Variants in TNFAIP8L3 observed in about 807,000 individuals in gnomAD.
TNFAIP8L3 encodes the protein TNF alpha induced protein 8 like 3.
A neutral mutation model predicts 11.8 loss-of-function variants in TNFAIP8L3; 7 were observed. The observed-to-expected ratio is 0.59, with a 90% confidence interval of 0.34 to 1.11. The LOEUF (loss-of-function observed/expected upper bound fraction) is 1.11, where lower values mean the gene tolerates loss of function less well. Ranked by LOEUF, TNFAIP8L3 falls within the 50% of genes most tolerant of loss-of-function variation. TNFAIP8L3 has a pLI of 0.03. For missense variants in TNFAIP8L3, 219 were observed against 258.6 expected (o/e 0.85, Z 1.05); for synonymous variants, 98 against 103.8 (o/e 0.94, Z 0.34).
chr15:51,095,923 C>G (rs748100537), upstream of TNFAIP8L3, among the ~76,000 whole-genome samples: 6 of 152,158 alleles, frequency 3.9e-5, no homozygotes, highest in Non-Finnish European at 7.3e-5. Flanking sequence ...TGAACATTTC[C>G]CTTTGTGTCC....
At chr15:51,095,033 C>T (rs909343223), upstream of TNFAIP8L3, among the ~76,000 whole-genome samples, 1 of 152,054 alleles carries the variant, frequency 6.6e-6, no homozygotes, top group African/African-American at 2.4e-5. Context: ...CAAGGCCGAG[C>T]CCCTTCCCTA....
chr15:51,067,214 G>T (rs1595607525), intron 1 of TNFAIP8L3, among the ~76,000 whole-genome samples: 1 of 152,206 alleles, frequency 6.6e-6, no homozygotes, highest in Non-Finnish European at 1.5e-5. Context: ...AGAAGGGTTA[G>T]GGAATGGATT....
intron 1 of TNFAIP8L3, among the ~76,000 whole-genome samples, chr15:51,092,692 C>T (rs181240576): frequency 5.9e-5 from 9 of 152,308 alleles, no homozygotes; most frequent in African/African-American, 2.2e-4. Context: ...CTGTCAGCTA[C>T]GCAGAGGCCT....
chr15:51,071,675 G>T (rs1356590681), intron 1 of TNFAIP8L3, among the ~76,000 whole-genome samples: 1 of 152,150 alleles, frequency 6.6e-6, no homozygotes, highest in Non-Finnish European at 1.5e-5. Flanking sequence ...CTCCTTGTGC[G>T]CACACACACA....
rs762686342 is a variant in TNFAIP8L3 at position 51,094,006 on chromosome 15, C to T, written c.52+538G>A. On this transcript the variant is annotated intron_variant, in intron 1 of 1. Transcript: ENST00000637513. This position sits in a 1 kb window ranked among gnomAD's most constrained non-coding sequence, Gnocchi z 4.4. ...TGGACCTTCTCCGCCGGCTGCGCGGCAGCGATGGACCCTGTGCATGGGCTC... is the reference window on the plus strand; with the variant it reads ...TGGACCTTCTCCGCCGGCTGCGCGGTAGCGATGGACCCTGTGCATGGGCTC... Among the ~76,000 whole-genome samples, 67 of 152,144 alleles carry T rather than the reference C, an allele frequency of 4.4e-4. No individual in the cohort carries two copies. Among genetic ancestry groups the T allele is most frequent in the Non-Finnish European group, 9.3e-4 (63 of 68,026 alleles).
chr15:51,057,791 A>G lies in TNFAIP8L3; in HGVS notation c.*90T>C. 15 of 1,131,262 alleles carry G rather than the reference A, an allele frequency of 1.3e-5. No individual in the cohort carries two copies. Among genetic ancestry groups the G allele is most frequent in the Non-Finnish European group, 1.8e-5 (14 of 793,380 alleles). The allele number at this position is 1,131,262 out of a possible 1,614,324, so 70.1% of individuals were successfully genotyped here. A position where few individuals can be genotyped will look rare whatever the true frequency, so the allele number is the denominator to read the frequency against. Reference sequence around the variant, plus strand: ...GGAAAGAACATGGACATCTTTGACAAGGGTTTCTGCTTATGTTCTTGATTC... The same window carrying G: ...GGAAAGAACATGGACATCTTTGACAGGGGTTTCTGCTTATGTTCTTGATTC... On this transcript the variant is annotated 3_prime_UTR_variant, in exon 2 of 2. Transcript: ENST00000637513.
At chr15:51,073,822 C>G (rs1170539662) in intron 1 of TNFAIP8L3, among the ~76,000 whole-genome samples, 1 of 152,166 alleles carries the variant, frequency 6.6e-6, no homozygotes, top group African/African-American at 2.4e-5. Flanking sequence ...TACCCCTTAT[C>G]AAGTTATCTT....
Position 51,058,210 on chromosome 15 carries a change from G to T in TNFAIP8L3, c.286C>A (p.Gln96Lys). 6.2e-7 allele frequency: 1 copy of T among 1,614,174 alleles called. No individual in the cohort carries two copies. ...IKIGILYRNN[Q>K]FSQEELVIVE... ...ATAACCAGCTCCTCTTGGCTAAACT[G>T]GTTGTTCCGGTAGAGGATCCCGATT... is the stretch of plus-strand genomic sequence containing the variant. Residue 96 changes from glutamine (Q) to lysine (K), a missense_variant, in exon 2 of 2, where the codon CAG becomes AAG. By Grantham distance (53) the Gln-to-Lys change is moderately conservative (BLOSUM62 1). Coordinates refer to ENST00000637513, the MANE Select transcript of TNFAIP8L3 (RefSeq NM_001311175.2).
chr15:51,089,056 T>C (rs1443372284), intron 1 of TNFAIP8L3, among the ~76,000 whole-genome samples: 1 of 152,238 alleles, frequency 6.6e-6, no homozygotes, highest in African/African-American at 2.4e-5. Flanking sequence ...TGGGTCTACA[T>C]GGTAGCTCAG....
At chr15:51,063,596 C>T (rs1456297436) in intron 1 of TNFAIP8L3, among the ~76,000 whole-genome samples, 1 of 152,158 alleles carries the variant, frequency 6.6e-6, no homozygotes, top group African/African-American at 2.4e-5. Flanking sequence ...AACCTTTTGT[C>T]CCTTTTAGAC....
chr15:51,095,715 A>G (rs969760875), upstream of TNFAIP8L3, among the ~76,000 whole-genome samples: 1 of 152,044 alleles, frequency 6.6e-6, no homozygotes, highest in African/African-American at 2.4e-5. Context: ...GGGGAAATGC[A>G]CGGAGCACCG....
In TNFAIP8L3 at chr15:51,057,319, G is replaced by T. The variant is rs1211826821; in HGVS notation, c.*562C>A. ...CATTTAGAGAGAGATTGCAAACCCA[G>T]TCCATTAGATTCTATTGTTCTTTTC... On this transcript the variant is annotated 3_prime_UTR_variant, in exon 2 of 2. Transcript: ENST00000637513. 6.6e-6 allele frequency: 1 copy of T among 152,280 alleles called. No homozygotes were observed. The highest frequency in any genetic ancestry group is 1.9e-4 in the East Asian group (1 of 5,196). 9.4% of individuals were successfully genotyped at this position (152,280 alleles called of 1,614,324 possible).
intron 1 of TNFAIP8L3, among the ~76,000 whole-genome samples, chr15:51,101,079 C>T (rs544390068): frequency 6.6e-6 from 1 of 152,318 alleles, no homozygotes; most frequent in Admixed American, 6.5e-5. Context: ...TTAATCTTGG[C>T]ACCTTTGACA....
At chr15:51,099,486 A>G (rs1181194132), upstream of TNFAIP8L3, among the ~76,000 whole-genome samples, 1 of 152,160 alleles carries the variant, frequency 6.6e-6, no homozygotes, top group African/African-American at 2.4e-5. Context: ...AGAAAACTCT[A>G]TGGGCCCAAC....
chr15:51,058,295 G>A lies in TNFAIP8L3; in HGVS notation c.201C>T (p.His67=). The A allele has an allele frequency of 1.2e-6, 2 of 1,614,070 alleles. No individual in the cohort carries two copies. Among genetic ancestry groups the A allele is most frequent in the Non-Finnish European group, 1.7e-6 (2 of 1,180,034 alleles). Residue 67 remains histidine, a synonymous_variant, in exon 2 of 2, where the codon CAC becomes CAT. Transcript: ENST00000637513. ...FDELYKVTKE[H]THNKKEAHKI... ...TGTGGGCTTCCTTCTTGTTGTGTGT[G>A]TGCTCTTTGGTGACTTTGTAGAGCT...
upstream of TNFAIP8L3, among the ~76,000 whole-genome samples, chr15:51,096,564 C>A (rs1459668016): frequency 6.6e-6 from 1 of 152,058 alleles, no homozygotes; most frequent in Non-Finnish European, 1.5e-5. Context: ...TTTAGAAAAA[C>A]AAAATATTTT....
At chr15:51,065,573 G>C (rs1446734761) in intron 1 of TNFAIP8L3, among the ~76,000 whole-genome samples, 1 of 152,196 alleles carries the variant, frequency 6.6e-6, no homozygotes, top group Non-Finnish European at 1.5e-5. Context: ...TAAAGTAAAT[G>C]ATGGTTATAA....
intron 1 of TNFAIP8L3, among the ~76,000 whole-genome samples, chr15:51,067,119 C>A (rs552904485): frequency 6.6e-6 from 1 of 152,108 alleles, no homozygotes; most frequent in Non-Finnish European, 1.5e-5. Context: ...TCCTTTCATA[C>A]GTGAGAGAGG....
intron 1 of TNFAIP8L3, among the ~76,000 whole-genome samples, chr15:51,066,852 C>A (rs1467391534): frequency 6.6e-6 from 1 of 152,164 alleles, no homozygotes; most frequent in Admixed American, 6.5e-5. Context: ...TCCAGAGAGA[C>A]TCATTGAGTT....
Sources: gnomAD v4.1 joint callset for allele counts (sites outside exome capture counted in the v4.1 genomes callset) on GRCh38, gnomAD v4.1.1 for gene constraint, Gnocchi (gnomAD v3.1) non-coding constraint, MANE v1.5 for transcripts, NCBI Gene and HGNC (gene_info 2026-07-23, HGNC 2026-07-21) for gene names.